DPP6: variants seen among roughly 807,000 people sequenced by gnomAD.
DPP6 encodes A-type potassium channel modulatory protein DPP6.
Under a neutral mutation model 122.6 loss-of-function variants are expected in DPP6, and 69 were observed. The observed-to-expected ratio is 0.56, with a 90% CI of 0.46 to 0.69. DPP6 has a LOEUF of 0.69. DPP6 is among the 30% of genes least tolerant of loss of function. DPP6 has a pLI of 0.00. For missense variants in DPP6, 928 were observed against 1,116.9 expected, an observed-to-expected ratio of 0.83 and a Z score of 2.41; for synonymous variants, 418 against 433.1, an observed-to-expected ratio of 0.97 and a Z score of 0.43.
intron 6 of DPP6, among the ~76,000 whole-genome samples, chr7:154,667,358 T>C (rs142479683): frequency 2.5e-3 from 380 of 152,222 alleles, no homozygotes; most frequent in Non-Finnish European, 4.3e-3. Context: ...GAATTTTGAG[T>C]CATCAAAGCT....
intron 1 of DPP6, among the ~76,000 whole-genome samples, chr7:154,285,318 G>A (rs986615538): frequency 2.0e-5 from 3 of 152,130 alleles, no homozygotes; most frequent in African/African-American, 7.2e-5. Flanking sequence ...AGGCTGGAGT[G>A]CAGTGGCGCA....
chr7:153,778,663 A>G, the DPP6 span, among the ~76,000 whole-genome samples: 1 of 151,898 alleles, frequency 6.6e-6, no homozygotes, highest in Admixed American at 6.6e-5. Flanking sequence ...TTTGTTACCA[A>G]TCCCCTCCCC....
chr7:154,860,380 A>ACTGT (rs1288059953), intron 17 of DPP6, among the ~76,000 whole-genome samples: 1 of 152,176 alleles, frequency 6.6e-6, no homozygotes, highest in Non-Finnish European at 1.5e-5. Flanking sequence ...CAGGAGGAGC[A>ACTGT]CTGTCAGACG....
intron 1 of DPP6, among the ~76,000 whole-genome samples, chr7:154,284,784 G>C (rs1766865338): frequency 1.3e-5 from 2 of 152,220 alleles, no homozygotes; most frequent in Non-Finnish European, 2.9e-5. Flanking sequence ...GAACACAGGA[G>C]GTGGAGGTTG....
chr7:153,933,085 G>C (rs1041043713), intron 1 of DPP6, among the ~76,000 whole-genome samples: 1 of 152,166 alleles, frequency 6.6e-6, no homozygotes, highest in South Asian at 2.1e-4. Flanking sequence ...GGCCCCCTCA[G>C]CCACATGAAA....
At chr7:154,385,999 C>A (rs1814072624) in intron 1 of DPP6, among the ~76,000 whole-genome samples, 1 of 152,150 alleles carries the variant, frequency 6.6e-6, no homozygotes, top group South Asian at 2.1e-4. Flanking sequence ...TTCATGATAT[C>A]ATTCTTCCAG....
chr7:154,587,387 C>A, intron 5 of DPP6: 1 of 548,312 alleles, frequency 1.8e-6, no homozygotes, highest in East Asian at 3.1e-5. Flanking sequence ...GGACTCTTCT[C>A]TCCTCTTGCC....
At chr7:154,128,373 A>G (rs562838247) in intron 1 of DPP6, among the ~76,000 whole-genome samples, 1 of 152,320 alleles carries the variant, frequency 6.6e-6, no homozygotes, top group African/African-American at 2.4e-5. Context: ...TGAGCCCAGG[A>G]ATTCGAGACT....
intron 1 of DPP6, among the ~76,000 whole-genome samples, chr7:154,265,097 G>A (rs1368020715): frequency 7.8e-6 from 1 of 128,356 alleles, no homozygotes; most frequent in African/African-American, 3.8e-5. Context: ...GATGATGATG[G>A]TGATGATAAT....
chr7:153,824,920 G>A, the DPP6 span, among the ~76,000 whole-genome samples: 2 of 152,096 alleles, frequency 1.3e-5, no homozygotes, highest in Non-Finnish European at 2.9e-5. Context: ...CTTCTCCAGT[G>A]TGCCTGAGTT....
chr7:154,879,457 G>A lies in DPP6; in HGVS notation c.2079-1431G>A, dbSNP rs559340541. On this transcript the variant is annotated intron_variant, in intron 20 of 25. Transcript: ENST00000377770. ...TACAAAAAATTAGCCGGGCGAGGTG[G>A]CGGGCACCTGTAGTCCCAGCTACTC... is the stretch of plus-strand genomic sequence containing the variant. Among the ~76,000 whole-genome samples, 136 of 135,246 alleles carry A rather than the reference G, an allele frequency of 1.0e-3. 34 individuals are homozygous for A. Among genetic ancestry groups the A allele is most frequent in the African/African-American group, 3.8e-3 (129 of 34,034 alleles). The allele number at this position is 135,246 out of a possible 152,430, so 88.7% of individuals were successfully genotyped here. A position where few individuals can be genotyped will look rare whatever the true frequency, so the allele number is the denominator to read the frequency against.
At chr7:153,942,625 T>C (rs1801749652) in intron 1 of DPP6, among the ~76,000 whole-genome samples, 1 of 152,220 alleles carries the variant, frequency 6.6e-6, no homozygotes, top group African/African-American at 2.4e-5. Context: ...AGGAGGTAGC[T>C]GTGCTCCAGG....
In DPP6 at chr7:154,618,822, A is replaced by G. The variant is rs1471566974; in HGVS notation, c.628-18999A>G. Among the ~76,000 whole-genome samples the G allele has an allele frequency of 1.3e-5, 2 of 152,184 alleles. No individual in the cohort carries two copies. Among genetic ancestry groups the G allele is most frequent in the East Asian group, 1.9e-4 (1 of 5,188 alleles). On this transcript the variant is annotated intron_variant, in intron 5 of 25. Transcript: ENST00000377770. The surrounding 1 kb of genome is among the most constrained non-coding windows in gnomAD (Gnocchi z 4.1). The stretch of plus-strand genomic sequence containing the variant: ...AGAGGAGGGAGCTGAGATGCAGAGT[A>G]TGTTTGTGACTTGCCCAGAGTTACA...
At chr7:154,078,351 T>TACACACACAC (rs3052965) in intron 1 of DPP6, among the ~76,000 whole-genome samples, 3 of 149,408 alleles carry the variant, frequency 2.0e-5, no homozygotes, top group East Asian at 2.0e-4. Context: ...AGTGCATATG[T>TACACACACAC]ACACACACAC....
intron 1 of DPP6, among the ~76,000 whole-genome samples, chr7:154,402,417 C>A (rs1815701185): frequency 6.8e-6 from 1 of 146,944 alleles, no homozygotes; most frequent in African/African-American, 2.7e-5. Flanking sequence ...ACTATGCAGC[C>A]ATAAAAAATG....
chr7:154,441,335 C>T (rs1819355775), intron 1 of DPP6, among the ~76,000 whole-genome samples: 1 of 152,196 alleles, frequency 6.6e-6, no homozygotes, highest in Non-Finnish European at 1.5e-5. Context: ...GTTGCTAAAA[C>T]ATTACTTGGT....
chr7:154,023,318 G>GCACGCGCGCGCACA (rs373378162), intron 1 of DPP6, among the ~76,000 whole-genome samples: 4 of 129,528 alleles, frequency 3.1e-5, no homozygotes, highest in African/African-American at 1.3e-4. Flanking sequence ...TTTCTTGTCT[G>GCACGCGCGCGCACA]CACACACACA....
At chr7:153,915,547 CAGAG>C (rs1323247721) in intron 1 of DPP6, among the ~76,000 whole-genome samples, 1 of 152,294 alleles carries the variant, frequency 6.6e-6, no homozygotes, top group East Asian at 1.9e-4. Context: ...TTGGTAGAAA[CAGAG>C]AGAATCAGGA....
At chr7:154,588,610 T>C (rs943401893) in intron 5 of DPP6, 4 of 152,368 alleles carry the variant, frequency 2.6e-5, no homozygotes, top group African/African-American at 9.6e-5. Flanking sequence ...ATAAAAGAAG[T>C]AGATTCTCCC....
Sources: gnomAD v4.1 joint callset for allele counts (sites outside exome capture counted in the v4.1 genomes callset) on GRCh38, gnomAD v4.1.1 for gene constraint, Gnocchi (gnomAD v3.1) non-coding constraint, MANE v1.5 for transcripts, NCBI Gene and HGNC (gene_info 2026-07-23, HGNC 2026-07-21) for gene names.